Variants in VPS54 observed in about 807,000 individuals in gnomAD.
The protein encoded by VPS54 is VPS54 subunit of GARP complex, also known as vacuolar protein sorting-associated protein 54.
VPS54 carries 45 observed loss-of-function variants against 121.5 expected under a neutral mutation model. The ratio of observed to expected loss-of-function variants is 0.37; its 90% CI spans 0.29 to 0.47. VPS54 has a LOEUF of 0.47. Among genes scored for constraint, VPS54 ranks in the 20% least tolerant of loss-of-function variants. The probability of loss-of-function intolerance (pLI) is 0.99; values close to 1 mark genes in which losing one functional copy is unlikely to be tolerated. For synonymous variants in VPS54, 371 were observed against 385.8 expected (o/e 0.96, Z 0.45); for missense variants, 1,090 against 1,131.4 (o/e 0.96, Z 0.52).
At chr2:63,925,230 GC>G (rs1673842300) in intron 12 of VPS54, among the ~76,000 whole-genome samples, 1 of 152,134 alleles carries the variant, frequency 6.6e-6, no homozygotes, top group Non-Finnish European at 1.5e-5. Context: ...ATGGGTAAAG[GC>G]CTTGAATAGG....
intron 1 of VPS54, among the ~76,000 whole-genome samples, chr2:63,995,138 T>C (rs146008662): frequency 6.6e-6 from 1 of 152,348 alleles, no homozygotes; most frequent in Non-Finnish European, 1.5e-5. Flanking sequence ...AACTATTTTG[T>C]CTGTTGTCCC....
chr2:63,927,193 G>A (rs919989191), intron 12 of VPS54, among the ~76,000 whole-genome samples: 15 of 152,198 alleles, frequency 9.9e-5, no homozygotes, highest in African/African-American at 3.4e-4. Context: ...ATAACGGACA[G>A]ACTGCCTCCT....
intron 12 of VPS54, among the ~76,000 whole-genome samples, chr2:63,926,515 G>A (rs951692454): frequency 1.4e-4 from 21 of 152,238 alleles, no homozygotes; most frequent in Middle Eastern, 3.4e-3. Flanking sequence ...CTGACCGGTC[G>A]CTCCCAAGAT....
intron 3 of VPS54, among the ~76,000 whole-genome samples, chr2:63,973,149 CAATA>C (rs796897501): frequency 4.8e-4 from 73 of 152,280 alleles, no homozygotes; most frequent in African/African-American, 1.8e-3. Context: ...TTCCCACCAG[CAATA>C]AATAAGAGTT....
At chr2:63,905,622 T>C (rs1672872924) in intron 20 of VPS54, among the ~76,000 whole-genome samples, 1 of 151,384 alleles carries the variant, frequency 6.6e-6, no homozygotes, top group Non-Finnish European at 1.5e-5. Flanking sequence ...TAATACCAAC[T>C]CCCCACAAAT....
chr2:63,987,047 G>T (rs1372577917), intron 1 of VPS54, among the ~76,000 whole-genome samples: 1 of 152,034 alleles, frequency 6.6e-6, no homozygotes, highest in Non-Finnish European at 1.5e-5. Context: ...TGTTTCCTTT[G>T]CTGTGCAGAA....
At chr2:63,915,350 A>G (rs1673332639) in intron 16 of VPS54, among the ~76,000 whole-genome samples, 1 of 152,132 alleles carries the variant, frequency 6.6e-6, no homozygotes, top group East Asian at 1.9e-4. Context: ...ATAAGGATTT[A>G]TAAGAGCCTG....
At chr2:63,991,829 T>G (rs563811110) in intron 1 of VPS54, among the ~76,000 whole-genome samples, 1 of 152,134 alleles carries the variant, frequency 6.6e-6, no homozygotes, top group Non-Finnish European at 1.5e-5. Context: ...ACAAACAAAT[T>G]TACCTACAGT....
chr2:63,906,810 A>G lies in VPS54; in HGVS notation c.2625+5535T>C, dbSNP rs1199425877. On this transcript the variant is annotated intron_variant, in intron 20 of 22. Coordinates refer to ENST00000272322, the MANE Select transcript of VPS54 (RefSeq NM_016516.3). ...GATCTATACATTCAACGCAATTTCA[A>G]TCAAAATCTGAGCAGCCTTTTTGGT... Among the ~76,000 whole-genome samples, 12 of 152,324 alleles carry G rather than the reference A, an allele frequency of 7.9e-5. No individual in the cohort carries two copies. The East Asian group carries it at 1.9e-3, about 24-fold the overall frequency.
In VPS54 at chr2:63,892,656, TAC is replaced by T. The variant is rs1357767750; in HGVS notation, c.*772_*773del. 1.3e-5 allele frequency: 2 copies of T among 152,546 alleles called. No individual in the cohort carries two copies. Among genetic ancestry groups the T allele is most frequent in the Non-Finnish European group, 2.9e-5 (2 of 67,996 alleles). 9.4% of individuals were successfully genotyped at this position (152,546 alleles called of 1,614,324 possible). ...ACCCTTCATCATACTTTTATAAAAATACAGATATTAAACTGTAGCCTTTTATA... is the reference window on the plus strand; with the variant it reads ...ACCCTTCATCATACTTTTATAAAAATAGATATTAAACTGTAGCCTTTTATA... On this transcript the variant is annotated 3_prime_UTR_variant, in exon 23 of 23. Coordinates refer to ENST00000272322, the MANE Select transcript of VPS54 (RefSeq NM_016516.3).
intron 1 of VPS54, among the ~76,000 whole-genome samples, chr2:63,993,409 A>ACAGCCGTTT (rs1299528524): frequency 6.6e-6 from 1 of 152,202 alleles, no homozygotes; most frequent in Non-Finnish European, 1.5e-5. Context: ...TATCTAGAGT[A>ACAGCCGTTT]CAGCCGTTTC....
intron 20 of VPS54, among the ~76,000 whole-genome samples, chr2:63,911,019 C>T (rs1270629234): frequency 6.6e-6 from 1 of 152,150 alleles, no homozygotes; most frequent in African/African-American, 2.4e-5. Flanking sequence ...AGCATAGTTC[C>T]ACTATTCCCA....
At chr2:63,920,737 T>A (rs1395321777) in intron 13 of VPS54, 110 bp from the exon 14 acceptor site, 1 of 602,586 alleles carries the variant, frequency 1.7e-6, no homozygotes, top group Non-Finnish European at 2.3e-6. Context: ...TTTAATAATA[T>A]TTCCCAATAC....
At chr2:63,964,864 T>A (rs1559025746) in intron 6 of VPS54, among the ~76,000 whole-genome samples, 1 of 152,316 alleles carries the variant, frequency 6.6e-6, no homozygotes, top group East Asian at 1.9e-4. Context: ...CCTTCAGTTT[T>A]AGACGAGCTC....
rs1251065040 is a variant in VPS54 at position 63,933,743 on chromosome 2, A to C, written c.1669T>G (p.Cys557Gly). Residue 557 changes from cysteine (C) to glycine (G), a missense_variant, in exon 12 of 23, where the codon TGT (cysteine) becomes GGT (glycine). Transcript: ENST00000272322. ...CSSDSVSEPECTTDSSSSKEH... is the reference protein window; with the variant it reads ...CSSDSVSEPEGTTDSSSSKEH... ...TTGCTGGATGAAGAATCAGTAGTAC[A>C]TTCTGGCTCGGATACAGAATCACTG... The C allele has an allele frequency of 6.2e-7, 1 of 1,613,760 alleles. No homozygotes were observed. The highest frequency in any genetic ancestry group is 8.5e-7 in the Non-Finnish European group (1 of 1,179,822).
chr2:63,994,053 CA>C (rs1305856184), intron 1 of VPS54, among the ~76,000 whole-genome samples: 8 of 152,124 alleles, frequency 5.3e-5, no homozygotes, highest in African/African-American at 1.7e-4. Flanking sequence ...ACGTCCGCGT[CA>C]AAAACCGCCC....
chr2:63,956,702 C>G (rs1384791981), intron 7 of VPS54, among the ~76,000 whole-genome samples: 1 of 152,144 alleles, frequency 6.6e-6, no homozygotes. Context: ...TTCCCTATCT[C>G]ACAGTTTTTT....
intron 1 of VPS54, among the ~76,000 whole-genome samples, chr2:64,005,368 G>T (rs936238710): frequency 6.6e-6 from 1 of 152,054 alleles, no homozygotes; most frequent in Non-Finnish European, 1.5e-5. Context: ...CTCCCAAAGT[G>T]CTGGGATTAC....
intron 1 of VPS54, among the ~76,000 whole-genome samples, chr2:64,018,649 C>T (rs1331269292): frequency 6.6e-6 from 1 of 151,426 alleles, no homozygotes; most frequent in Non-Finnish European, 1.5e-5. Flanking sequence ...AGCTGGGATC[C>T]CGGAAAGATA....
Sources: gnomAD v4.1 joint callset for allele counts (sites outside exome capture counted in the v4.1 genomes callset) on GRCh38, gnomAD v4.1.1 for gene constraint, MANE v1.5 for transcripts, NCBI Gene and HGNC (gene_info 2026-07-23, HGNC 2026-07-21) for gene names.